NELL2: variants seen among roughly 807,000 people sequenced by gnomAD.
NELL2 encodes the protein protein kinase C-binding protein NELL2.
In NELL2, 41 loss-of-function variants were observed where a neutral mutation model predicts 109.6. That is an observed-to-expected ratio of 0.37 (90% CI 0.29 to 0.49). NELL2 has a LOEUF of 0.49. NELL2 is among the 20% of genes least tolerant of loss of function. The pLI, the probability that NELL2 is intolerant of heterozygous loss-of-function variation, is 0.98. For synonymous variants in NELL2, 355 were observed against 344.7 expected, an observed-to-expected ratio of 1.03 and a Z score of -0.33; for missense variants, 900 against 1,008.3, an observed-to-expected ratio of 0.89 and a Z score of 1.45.
intron 9 of NELL2, among the ~76,000 whole-genome samples, chr12:44,760,497 A>G (rs1342988029): frequency 6.6e-6 from 1 of 152,182 alleles, no homozygotes; most frequent in Non-Finnish European, 1.5e-5. Flanking sequence ...ATAATAACTC[A>G]TACTAGAAAG....
chr12:44,642,062 GC>G (rs1359261285), intron 13 of NELL2, among the ~76,000 whole-genome samples: 1 of 151,922 alleles, frequency 6.6e-6, no homozygotes, highest in African/African-American at 2.4e-5. Flanking sequence ...TTCCTTCCTT[GC>G]CCAATTCAGA....
At chr12:44,707,919 A>G (rs1274041508) in intron 11 of NELL2, among the ~76,000 whole-genome samples, 1 of 152,178 alleles carries the variant, frequency 6.6e-6, no homozygotes, top group Non-Finnish European at 1.5e-5. Context: ...GGAAAGGAGA[A>G]CTGACACTAA....
At chr12:44,884,545 G>T (rs2710430) in intron 1 of NELL2, among the ~76,000 whole-genome samples, 2,814 of 151,940 alleles carry the variant, frequency 0.019, 122 homozygotes, top group African/African-American at 0.064. Context: ...CCAACTTTTC[G>T]TATGACATTA....
chr12:44,593,336 A>G (rs1167308253), intron 15 of NELL2, among the ~76,000 whole-genome samples: 1 of 152,190 alleles, frequency 6.6e-6, no homozygotes. Context: ...CAACAGAAGA[A>G]AATAATGCAA....
intron 15 of NELL2, among the ~76,000 whole-genome samples, chr12:44,593,505 T>A (rs1333202804): frequency 2.0e-5 from 3 of 152,206 alleles, no homozygotes; most frequent in Non-Finnish European, 4.4e-5. Context: ...CTATGTCACC[T>A]TTGGCAATTT....
At chr12:44,682,062 C>T (rs1024497774) in intron 12 of NELL2, among the ~76,000 whole-genome samples, 1 of 150,944 alleles carries the variant, frequency 6.6e-6, no homozygotes, top group Non-Finnish European at 1.5e-5. Context: ...TATTTCTCCA[C>T]ATCCTCTCCA....
In NELL2 at chr12:44,665,474, C is replaced by A; in HGVS notation, c.1444+10G>T. ...AAAAATATTTTATTTCACAAATAGC[C>A]ACCGTTTACCTGTACATGAATAATC... On this transcript the variant is annotated intron_variant, in intron 13 of 19. Coordinates refer to ENST00000429094, the MANE Select transcript of NELL2 (RefSeq NM_001145108.2). The A allele has an allele frequency of 6.4e-7, 1 of 1,570,784 alleles. No individual in the cohort carries two copies. Among genetic ancestry groups the A allele is most frequent in the Non-Finnish European group, 8.6e-7 (1 of 1,160,134 alleles).
rs975754677 is a variant in NELL2, at chr12:44,875,359, G to A, written c.56-6C>T. On this transcript the variant is annotated splice_polypyrimidine_tract_variant and splice_region_variant and intron_variant, in intron 1 of 19. Transcript: ENST00000429094. ...GTCCACACCAAGCCCCCAAACTGGT[G>A]AGGGGTATGAGGTGGGAGAGAGAAA... 6.2e-7 allele frequency: 1 copy of A among 1,614,000 alleles called. No homozygotes were observed. The highest frequency in any genetic ancestry group is 1.3e-5 in the African/African-American group (1 of 74,928).
chr12:44,587,974 A>G lies in NELL2; in HGVS notation c.1663+19195T>C, dbSNP rs537046677. On this transcript the variant is annotated intron_variant, in intron 15 of 19. Transcript: ENST00000429094. Reference sequence around the variant, plus strand: ...AGACCATCCTGGCTAACATGGTGAAACCCCGTCTCTACTAAAAATACAAAA... The same window carrying G: ...AGACCATCCTGGCTAACATGGTGAAGCCCCGTCTCTACTAAAAATACAAAA... Among the ~76,000 whole-genome samples, 8 of 152,070 alleles carry G rather than the reference A, an allele frequency of 5.3e-5. No homozygotes were observed. In the South Asian group the frequency reaches 1.0e-3, roughly 20 times the overall value.
intron 11 of NELL2, among the ~76,000 whole-genome samples, chr12:44,708,536 A>G (rs1196095400): frequency 1.3e-5 from 2 of 152,216 alleles, no homozygotes; most frequent in Non-Finnish European, 2.9e-5. Flanking sequence ...ATTTGTCACA[A>G]CATATCTTTA....
chr12:44,876,680 A>G, upstream of NELL2: 1 of 1,550,920 alleles, frequency 6.4e-7, no homozygotes, highest in Non-Finnish European at 8.7e-7. Flanking sequence ...GCAAGGCTGG[A>G]GCGAGTAGCG....
intron 13 of NELL2, among the ~76,000 whole-genome samples, chr12:44,629,466 A>G (rs1946375044): frequency 6.6e-6 from 1 of 152,188 alleles, no homozygotes; most frequent in Admixed American, 6.5e-5. Flanking sequence ...CTGCAGTAAT[A>G]AACCAGCAGC....
intron 15 of NELL2, among the ~76,000 whole-genome samples, chr12:44,566,316 T>G (rs1318096144): frequency 6.6e-6 from 1 of 151,984 alleles, no homozygotes; most frequent in Admixed American, 6.6e-5. Flanking sequence ...TTAAGAAAAT[T>G]AAAAATGAAA....
intron 9 of NELL2, among the ~76,000 whole-genome samples, chr12:44,741,040 C>T (rs1488203697): frequency 6.6e-6 from 1 of 152,160 alleles, no homozygotes; most frequent in Admixed American, 6.5e-5. Flanking sequence ...TTGAACTATA[C>T]AGGTCCCCTT....
chr12:44,762,467 C>A (rs796526750), intron 9 of NELL2, among the ~76,000 whole-genome samples: 3 of 152,212 alleles, frequency 2.0e-5, no homozygotes, highest in South Asian at 4.1e-4. Context: ...AATGAAGCTA[C>A]CATCATTTCT....
Position 44,521,302 on chromosome 12 carries a change from G to A in NELL2, c.2175+698C>T, listed in dbSNP as rs1366684204. On this transcript the variant is annotated intron_variant, in intron 18 of 19. Coordinates refer to ENST00000429094, the MANE Select transcript of NELL2 (RefSeq NM_001145108.2). ...GAAGGTTGCTTTGGGAGGCCGAGGC[G>A]GGCGGATCACGAGGTCAGGAGATCG... Among the ~76,000 whole-genome samples, 4 of 151,978 alleles carry A rather than the reference G, an allele frequency of 2.6e-5. No homozygotes were observed. The East Asian group carries it at 5.8e-4, about 22-fold the overall frequency.
chr12:44,589,276 A>G (rs959476175), intron 15 of NELL2, among the ~76,000 whole-genome samples: 5 of 152,148 alleles, frequency 3.3e-5, no homozygotes, highest in African/African-American at 1.2e-4. Context: ...AAAAAAAAAA[A>G]ACAGAACTGC....
At chr12:44,607,343 C>A in intron 14 of NELL2, 79 bp from the exon 15 acceptor site, 1 of 1,091,220 alleles carries the variant, frequency 9.2e-7, no homozygotes, top group East Asian at 2.6e-5. Flanking sequence ...TTTTCATTAT[C>A]CCCTTGGAGA....
intron 13 of NELL2, among the ~76,000 whole-genome samples, chr12:44,665,130 GTTA>G (rs905248724): frequency 6.6e-5 from 10 of 151,976 alleles, no homozygotes; most frequent in Admixed American, 1.3e-4. Flanking sequence ...CATTATTTAT[GTTA>G]TTATTTTTCT....
Sources: gnomAD v4.1 joint callset for allele counts (sites outside exome capture counted in the v4.1 genomes callset) on GRCh38, gnomAD v4.1.1 for gene constraint, MANE v1.5 for transcripts, NCBI Gene and HGNC (gene_info 2026-07-23, HGNC 2026-07-21) for gene names.